PPA2: variants seen among roughly 807,000 people sequenced by gnomAD.
PPA2 encodes the protein inorganic pyrophosphatase 2.
Under a neutral mutation model 49.5 loss-of-function variants are expected in PPA2, and 48 were observed. The observed-to-expected ratio is 0.97, with a 90% confidence interval of 0.77 to 1.23. The LOEUF (loss-of-function observed/expected upper bound fraction) is 1.23. Among genes scored for constraint, PPA2 ranks in the 50% most tolerant of loss-of-function variants. The pLI is 0.00. For synonymous variants in PPA2, 131 were observed against 139.9 expected (o/e 0.94, Z 0.45); for missense variants, 429 against 410.1 (o/e 1.05, Z -0.40).
intron 10 of PPA2, among the ~76,000 whole-genome samples, chr4:105,373,951 A>G (rs1315598441): frequency 1.3e-5 from 2 of 152,198 alleles, no homozygotes; most frequent in Non-Finnish European, 2.9e-5. Context: ...CTTTATCTAC[A>G]GTCAATGATT....
intron 9 of PPA2, among the ~76,000 whole-genome samples, chr4:105,387,148 C>T (rs1366388944): frequency 1.3e-5 from 2 of 152,108 alleles, no homozygotes; most frequent in Non-Finnish European, 2.9e-5. Context: ...ATAGGAATAG[C>T]AGCTCCTTCC....
Position 105,369,519 on chromosome 4 carries a change from G to A in PPA2, c.*206C>T, listed in dbSNP as rs1732937301. 3 of 527,984 alleles carry A rather than the reference G, an allele frequency of 5.7e-6. No homozygotes were observed. Among genetic ancestry groups the A allele is most frequent in the Non-Finnish European group, 1.0e-5 (3 of 300,844 alleles). 32.7% of individuals were successfully genotyped at this position (527,984 alleles called of 1,614,324 possible). On this transcript the variant is annotated 3_prime_UTR_variant, in exon 12 of 12. Coordinates refer to ENST00000341695, the MANE Select transcript of PPA2 (RefSeq NM_176869.3). The stretch of plus-strand genomic sequence containing the variant: ...ATTACAGGCATGAGCCACCGTGCCT[G>A]GCCAAAATCTTCTTTTTATATCAAT...
At chr4:105,412,910 C>T (rs554015558) in intron 7 of PPA2, among the ~76,000 whole-genome samples, 7 of 152,244 alleles carry the variant, frequency 4.6e-5, no homozygotes, top group Admixed American at 1.3e-4. Flanking sequence ...TCAACCATTG[C>T]AGAAGACAGT....
chr4:105,410,750 G>T (rs1286859709), intron 7 of PPA2, among the ~76,000 whole-genome samples: 5 of 152,254 alleles, frequency 3.3e-5, no homozygotes, highest in Non-Finnish European at 7.4e-5. Flanking sequence ...AGAGAGTGGG[G>T]GCCAATATTC....
intron 1 of PPA2, among the ~76,000 whole-genome samples, chr4:105,461,338 G>A (rs72952299): frequency 6.6e-6 from 1 of 152,138 alleles, no homozygotes; most frequent in East Asian, 1.9e-4. Context: ...ATGTCGAAAG[G>A]TGAAGTGGAA....
rs148874143 is a variant in PPA2, at chr4:105,453,765, T to C, written c.223-123A>G. ...CACAAAGACTGTCCAGAAATCTGAG[T>C]CAACAGAGAACCTACCAAATGCCCA... is the stretch of plus-strand genomic sequence containing the variant. On this transcript the variant is annotated intron_variant, in intron 2 of 11. Coordinates refer to ENST00000341695, the MANE Select transcript of PPA2 (RefSeq NM_176869.3). The C allele has an allele frequency of 1.0e-3, 657 of 654,754 alleles. 4 individuals carry two copies. The highest frequency in any genetic ancestry group is 8.8e-3 in the Middle Eastern group (20 of 2,282). The allele number at this position is 654,754 out of a possible 1,614,324, so 40.6% of individuals were successfully genotyped here.
intron 1 of PPA2, chr4:105,473,570 C>A (rs1342711705): frequency 3.7e-6 from 2 of 540,796 alleles, no homozygotes; most frequent in Non-Finnish European, 7.0e-6. Context: ...TGGCTGCAGG[C>A]CGCCGCGGGG....
intron 7 of PPA2, among the ~76,000 whole-genome samples, chr4:105,412,072 C>T (rs1296010015): frequency 6.6e-6 from 1 of 152,040 alleles, no homozygotes; most frequent in Non-Finnish European, 1.5e-5. Flanking sequence ...ACTTTCTTCA[C>T]AGAATTGGAA....
intron 10 of PPA2, among the ~76,000 whole-genome samples, chr4:105,373,459 C>CA (rs1300239330): frequency 7.1e-6 from 1 of 140,508 alleles, no homozygotes; most frequent in African/African-American, 2.6e-5. Context: ...TATAACAATA[C>CA]AAAATTTTTT....
chr4:105,396,926 A>G (rs945066757), intron 8 of PPA2, among the ~76,000 whole-genome samples: 2 of 152,174 alleles, frequency 1.3e-5, no homozygotes, highest in Non-Finnish European at 2.9e-5. Flanking sequence ...AGTTTTTTCA[A>G]TCGAAGTAAT....
At chr4:105,400,673 T>C (rs1448388130) in intron 7 of PPA2, among the ~76,000 whole-genome samples, 2 of 152,178 alleles carry the variant, frequency 1.3e-5, no homozygotes, top group African/African-American at 2.4e-5. Context: ...CGTTGTACCT[T>C]ACTCAAACTA....
chr4:105,462,867 C>T (rs542539191), intron 1 of PPA2, among the ~76,000 whole-genome samples: 169 of 152,290 alleles, frequency 1.1e-3, no homozygotes, highest in Non-Finnish European at 2.1e-3. Context: ...TGAGACGTGC[C>T]TTTCACCTTC....
At chr4:105,426,410 G>A (rs532813236) in intron 6 of PPA2, among the ~76,000 whole-genome samples, 1 of 152,350 alleles carries the variant, frequency 6.6e-6, no homozygotes, top group East Asian at 1.9e-4. Context: ...CCAGGGGTCA[G>A]GGGATTTCCC....
intron 7 of PPA2, among the ~76,000 whole-genome samples, chr4:105,408,488 G>C (rs1319103009): frequency 6.6e-6 from 1 of 152,192 alleles, no homozygotes; most frequent in African/African-American, 2.4e-5. Context: ...TTAGAGAAAT[G>C]TTAACATTGA....
intron 7 of PPA2, among the ~76,000 whole-genome samples, chr4:105,400,204 T>G (rs181860420): frequency 2.6e-5 from 4 of 152,306 alleles, no homozygotes; most frequent in African/African-American, 7.2e-5. Flanking sequence ...TACTGTTTTG[T>G]TATAACAAAA....
In PPA2 at chr4:105,456,556, T is replaced by G. The variant is rs574364279; in HGVS notation, c.222+125A>C. The G allele has an allele frequency of 2.5e-5, 18 of 707,864 alleles. No individual in the cohort carries two copies. In the African/African-American group the frequency reaches 2.8e-4, roughly 11 times the overall value. 43.8% of individuals were successfully genotyped at this position (707,864 alleles called of 1,614,324 possible). A position where few individuals can be genotyped will look rare whatever the true frequency, so the allele number is the denominator to read the frequency against. ...ATATAGGAGGCTTATGACCCTGTTA[T>G]AGTAACTCCTGTTTGTCCTCCTGAC... On this transcript the variant is annotated intron_variant, in intron 2 of 11. Transcript: ENST00000341695.
At position 105,399,062 on chromosome 4, in the gene PPA2, G is replaced by A; in HGVS notation, c.758C>T (p.Ala253Val). 1 of 1,608,662 alleles carries A rather than the reference G, an allele frequency of 6.2e-7. No homozygotes were observed. The highest frequency in any genetic ancestry group is 8.5e-7 in the Non-Finnish European group (1 of 1,178,734). ...CTTGTTTTTGAATTCTCCATTAAAA[G>A]CAAACTGGTTTTCTGGTTTTCCATC... Reference protein sequence around the residue: ...VPDGKPENQFAFNGEFKNKAF... With the variant: ...VPDGKPENQFVFNGEFKNKAF... Residue 253 changes from alanine (A) to valine (V), a missense_variant, in exon 8 of 12, where the codon GCT becomes GTT. Coordinates refer to ENST00000341695, the MANE Select transcript of PPA2 (RefSeq NM_176869.3).
chr4:105,457,239 A>T (rs1250184758), intron 1 of PPA2, among the ~76,000 whole-genome samples: 6 of 152,212 alleles, frequency 3.9e-5, no homozygotes, highest in African/African-American at 1.4e-4. Flanking sequence ...TAAGGATGCT[A>T]ATACTAAGGT....
intron 1 of PPA2, among the ~76,000 whole-genome samples, chr4:105,457,193 T>C (rs544339959): frequency 1.3e-5 from 2 of 152,290 alleles, no homozygotes; most frequent in Non-Finnish European, 2.9e-5. Context: ...TCCTATTCAA[T>C]TAAAAGAAAA....
Sources: gnomAD v4.1 joint callset for allele counts (sites outside exome capture counted in the v4.1 genomes callset) on GRCh38, gnomAD v4.1.1 for gene constraint, MANE v1.5 for transcripts, NCBI Gene and HGNC (gene_info 2026-07-23, HGNC 2026-07-21) for gene names.